AFF3: variants seen among roughly 807,000 people sequenced by gnomAD.
AFF3 encodes the protein ALF transcription elongation factor 3, also known as AF4/FMR2 family member 3.
Under a neutral mutation model 129.7 loss-of-function variants are expected in AFF3, and 32 were observed. The ratio of observed to expected loss-of-function variants is 0.25; its 90% confidence interval spans 0.19 to 0.33. AFF3 has a LOEUF of 0.33. Among genes scored for constraint, AFF3 ranks in the 10% least tolerant of loss-of-function variants. The probability of loss-of-function intolerance (pLI) is 1.00; values close to 1 mark genes in which losing one functional copy is unlikely to be tolerated. For missense variants in AFF3, 1,373 were observed against 1,592.0 expected (o/e 0.86, Z 2.34); for synonymous variants, 644 against 635.4 (o/e 1.01, Z -0.20).
chr2:99,823,474 T>C (rs1687839895), intron 8 of AFF3, among the ~76,000 whole-genome samples: 1 of 152,216 alleles, frequency 6.6e-6, no homozygotes, highest in African/African-American at 2.4e-5. Flanking sequence ...ATATGTACTT[T>C]ACATGTAGAA....
intron 1 of AFF3, among the ~76,000 whole-genome samples, chr2:100,133,890 G>A (rs1043791770): frequency 5.3e-5 from 8 of 151,854 alleles, no homozygotes; most frequent in Admixed American, 3.3e-4. Flanking sequence ...CTGAGATCGC[G>A]CCACTGCACT....
intron 8 of AFF3, among the ~76,000 whole-genome samples, chr2:99,761,949 TC>T (rs1404837721): frequency 6.6e-6 from 1 of 152,094 alleles, no homozygotes; most frequent in Non-Finnish European, 1.5e-5. Context: ...AAGCCTGATG[TC>T]TTACTTCTTG....
Position 99,896,213 on chromosome 2 carries a change from G to A in AFF3, c.874-58689C>T, listed in dbSNP as rs374220077. On this transcript the variant is annotated intron_variant, in intron 7 of 24. Transcript: ENST00000672756. The stretch of plus-strand genomic sequence containing the variant: ...ATAACTAGGGAGGCCTAAGTTGGTT[G>A]TATAATAAGTAGGGCATTTATATGA... 6.6e-5 allele frequency among the ~76,000 whole-genome samples: 10 copies of A among 152,024 alleles called. No homozygotes were observed. In the East Asian group the frequency reaches 1.2e-3, roughly 18 times the overall value.
At chr2:99,618,689 TA>T (rs1466896172) in intron 13 of AFF3, among the ~76,000 whole-genome samples, 1 of 152,224 alleles carries the variant, frequency 6.6e-6, no homozygotes, top group African/African-American at 2.4e-5. Context: ...TAACTCACAT[TA>T]CCCATCTGGT....
intron 8 of AFF3, among the ~76,000 whole-genome samples, chr2:99,773,265 C>T (rs950227230): frequency 2.6e-5 from 4 of 152,184 alleles, no homozygotes; most frequent in Admixed American, 1.3e-4. Flanking sequence ...TAGTTCACTG[C>T]TCCTTCCCCA....
chr2:99,724,462 G>A (rs1029729271), intron 11 of AFF3, among the ~76,000 whole-genome samples: 1 of 151,514 alleles, frequency 6.6e-6, no homozygotes, highest in Admixed American at 6.6e-5. Context: ...TAGTAGAGGT[G>A]GGGTTTCGCC....
chr2:99,601,947 C>T (rs973580590), intron 13 of AFF3, among the ~76,000 whole-genome samples: 1 of 152,138 alleles, frequency 6.6e-6, no homozygotes, highest in Non-Finnish European at 1.5e-5. Context: ...CTGGGAATGG[C>T]TTTTCAAATG....
At chr2:100,115,341 A>G (rs930704149) in intron 2 of AFF3, among the ~76,000 whole-genome samples, 18 of 152,188 alleles carry the variant, frequency 1.2e-4, no homozygotes, top group Non-Finnish European at 4.4e-5. Flanking sequence ...TTGAGGCAGG[A>G]GTTCCAGACC....
intron 11 of AFF3, among the ~76,000 whole-genome samples, chr2:99,678,771 A>G (rs1205279285): frequency 6.6e-6 from 1 of 152,204 alleles, no homozygotes; most frequent in Non-Finnish European, 1.5e-5. Context: ...ATTGCCTGAG[A>G]GCCTATTCAT....
In AFF3 at chr2:99,593,530, C is replaced by T. The variant is rs756890773; in HGVS notation, c.2131G>A (p.Ala711Thr). ...GGACCACTGCCCCCGTTGGCAGCGG[C>T]CTCCTTCAGCCTCTGATCATTCCCG... ...SSGNDQRLKE[A>T]AANGGSGPRA... is the part of the protein sequence containing the mutation. Residue 711 changes from alanine to threonine, a missense_variant, in exon 15 of 25, where the codon GCC (alanine) becomes ACC (threonine). Ala to Thr is a moderately conservative substitution (Grantham distance 58). Around this residue, in one of 9 missense-constraint regions of AFF3, gnomAD observed 466 missense variants for 505.0 expected, o/e 0.92. Coordinates refer to ENST00000672756, the MANE Select transcript of AFF3 (RefSeq NM_001386135.1). The T allele has an allele frequency of 1.9e-6, 3 of 1,613,120 alleles. No individual in the cohort carries two copies. Among genetic ancestry groups the T allele is most frequent in the East Asian group, 2.2e-5 (1 of 44,832 alleles).
In AFF3 at chr2:99,551,286, C is replaced by A; in HGVS notation, c.*188G>T. ...AAGAGCTGTGTATCTTACACACATACACAGGCGGCTTCTTATATACCCACA... is the reference window on the plus strand; with the variant it reads ...AAGAGCTGTGTATCTTACACACATAAACAGGCGGCTTCTTATATACCCACA... On this transcript the variant is annotated 3_prime_UTR_variant, in exon 25 of 25. Transcript: ENST00000672756. 1.4e-6 allele frequency: 1 copy of A among 732,290 alleles called. No homozygotes were observed. Among genetic ancestry groups the A allele is most frequent in the Non-Finnish European group, 2.2e-6 (1 of 457,348 alleles). The allele number at this position is 732,290 out of a possible 1,614,324, so 45.4% of individuals were successfully genotyped here. A position where few individuals can be genotyped will look rare whatever the true frequency, so the allele number is the denominator to read the frequency against.
rs572537326 is a variant in AFF3 at position 100,006,782 on chromosome 2, T to A, written c.723A>T (p.Gln241His). 2 of 1,614,228 alleles carry A rather than the reference T, an allele frequency of 1.2e-6. No homozygotes were observed. The highest frequency in any genetic ancestry group is 2.2e-5 in the South Asian group (2 of 91,086). Reference protein sequence around the residue: ...PTAYVRPMDGQDQAPDESPKL... With the variant: ...PTAYVRPMDGHDQAPDESPKL... ...TAGGAGACTCATCAGGGGCCTGATC[T>A]TGGCCGTCCATTGGCCTCACATACG... The change falls in exon 7 of 25, where the codon CAA becomes CAT. Residue 241 changes from glutamine (Q) to histidine (H), a missense_variant. Physicochemically the swap from Gln to His is conservative, Grantham distance 24. This residue lies in a region of AFF3 where 413 missense variants were observed against 424.4 expected (regional missense o/e 0.97). Coordinates refer to ENST00000672756, the MANE Select transcript of AFF3 (RefSeq NM_001386135.1).
intron 13 of AFF3, among the ~76,000 whole-genome samples, chr2:99,603,264 C>T (rs117484891): frequency 2.6e-5 from 4 of 151,886 alleles, no homozygotes; most frequent in East Asian, 3.9e-4. Context: ...TTGGCTGAAT[C>T]GAGATGGTTA....
chr2:100,093,251 C>T (rs1690013800), intron 4 of AFF3, among the ~76,000 whole-genome samples: 1 of 148,010 alleles, frequency 6.8e-6, no homozygotes, highest in Admixed American at 6.7e-5. Flanking sequence ...GAACCACAGG[C>T]ATGCACCACG....
At chr2:99,688,085 G>A (rs1183816407) in intron 11 of AFF3, among the ~76,000 whole-genome samples, 5 of 152,024 alleles carry the variant, frequency 3.3e-5, no homozygotes, top group African/African-American at 2.4e-5. Flanking sequence ...CTCGTGATCC[G>A]CCCGCCTCGG....
At chr2:99,955,489 A>G (rs918823039) in intron 7 of AFF3, among the ~76,000 whole-genome samples, 1 of 152,142 alleles carries the variant, frequency 6.6e-6, no homozygotes, top group Non-Finnish European at 1.5e-5. Context: ...AAATTTAAAT[A>G]TGTGTGTTAT....
chr2:99,931,376 C>T (rs13430675), intron 7 of AFF3, among the ~76,000 whole-genome samples: 1,746 of 152,294 alleles, frequency 0.011, 32 homozygotes, highest in African/African-American at 0.04. Flanking sequence ...GCAAAAACAG[C>T]AATTTCTCTT....
At chr2:99,750,980 G>T (rs1015842492) in intron 9 of AFF3, among the ~76,000 whole-genome samples, 1 of 152,152 alleles carries the variant, frequency 6.6e-6, no homozygotes, top group Admixed American at 6.5e-5. Flanking sequence ...CTTCAAATAC[G>T]TTTTATTGTA....
chr2:99,589,326 C>T (rs1678425476), intron 15 of AFF3, among the ~76,000 whole-genome samples: 2 of 151,612 alleles, frequency 1.3e-5, no homozygotes, highest in African/African-American at 2.4e-5. Flanking sequence ...AAATGAGCTG[C>T]CAAGTATTAC....
Sources: gnomAD v4.1 joint callset for allele counts (sites outside exome capture counted in the v4.1 genomes callset) on GRCh38, gnomAD v4.1.1 for gene constraint, gnomAD v4.1.1 regional missense constraint, MANE v1.5 for transcripts, NCBI Gene and HGNC (gene_info 2026-07-23, HGNC 2026-07-21) for gene names.